Variants in SLC39A11 observed in about 807,000 individuals in gnomAD.
The protein encoded by SLC39A11 is solute carrier family 39 member 11.
SLC39A11 carries 33 observed loss-of-function variants against 36.1 expected under a neutral mutation model. That is an observed-to-expected ratio of 0.91 (90% CI 0.69 to 1.22). SLC39A11 has a LOEUF of 1.22. Among genes scored for constraint, SLC39A11 ranks in the 50% most tolerant of loss-of-function variants. The pLI, the probability that SLC39A11 is intolerant of heterozygous loss-of-function variation, is 0.00. For synonymous variants in SLC39A11, 166 were observed against 170.3 expected (o/e 0.97, Z 0.20); for missense variants, 432 against 430.3 (o/e 1.00, Z -0.03).
At chr17:72,715,173 T>C (rs2073299034) in intron 7 of SLC39A11, among the ~76,000 whole-genome samples, 1 of 152,180 alleles carries the variant, frequency 6.6e-6, no homozygotes, top group African/African-American at 2.4e-5. Flanking sequence ...AGAGGCTCTC[T>C]CCTCCAGGAA....
At chr17:72,951,388 C>G (rs889495327) in intron 4 of SLC39A11, among the ~76,000 whole-genome samples, 1 of 151,956 alleles carries the variant, frequency 6.6e-6, no homozygotes, top group African/African-American at 2.4e-5. Flanking sequence ...CACAGACCCT[C>G]TTTTTACTGT....
intron 5 of SLC39A11, among the ~76,000 whole-genome samples, chr17:72,884,974 G>C (rs2081376702): frequency 6.6e-6 from 1 of 152,162 alleles, no homozygotes. Flanking sequence ...ACTTTCTTCA[G>C]ATTTATCATC....
At chr17:72,928,637 T>G (rs993755678) in intron 5 of SLC39A11, among the ~76,000 whole-genome samples, 1 of 152,140 alleles carries the variant, frequency 6.6e-6, no homozygotes, top group African/African-American at 2.4e-5. Flanking sequence ...AGGGCCCTGA[T>G]AGTTGATTCT....
At chr17:72,908,773 G>C (rs904457669) in intron 5 of SLC39A11, among the ~76,000 whole-genome samples, 1 of 152,186 alleles carries the variant, frequency 6.6e-6, no homozygotes, top group Non-Finnish European at 1.5e-5. Context: ...CTGCCAGGGT[G>C]GCAAATCCCA....
intron 7 of SLC39A11, among the ~76,000 whole-genome samples, chr17:72,704,589 T>C (rs2072806069): frequency 1.3e-5 from 2 of 152,208 alleles, no homozygotes; most frequent in African/African-American, 2.4e-5. Context: ...CATAAAGTGA[T>C]GCTGTCCCTC....
At chr17:72,822,675 C>T (rs1008986387) in intron 6 of SLC39A11, among the ~76,000 whole-genome samples, 4 of 151,032 alleles carry the variant, frequency 2.6e-5, no homozygotes, top group African/African-American at 9.7e-5. Context: ...GGACAGGAGA[C>T]AAAGGAAATA....
intron 7 of SLC39A11, among the ~76,000 whole-genome samples, chr17:72,689,695 C>T (rs149364764): frequency 8.4e-4 from 128 of 152,302 alleles, no homozygotes; most frequent in African/African-American, 1.1e-3. Context: ...CAGACACGAA[C>T]GGTCACATAT....
At chr17:72,861,660 TA>T (rs2080004266) in intron 5 of SLC39A11, among the ~76,000 whole-genome samples, 1 of 56,530 alleles carries the variant, frequency 1.8e-5, no homozygotes, top group African/African-American at 5.6e-5. Context: ...CAACACATTA[TA>T]TATATATATA....
chr17:72,759,161 A>T (rs2075477120), intron 6 of SLC39A11, among the ~76,000 whole-genome samples: 1 of 149,368 alleles, frequency 6.7e-6, no homozygotes, highest in African/African-American at 2.5e-5. Flanking sequence ...ACAGAAAATA[A>T]TACAGATACC....
intron 7 of SLC39A11, among the ~76,000 whole-genome samples, chr17:72,658,807 A>G (rs1225429392): frequency 2.0e-5 from 3 of 152,056 alleles, no homozygotes; most frequent in African/African-American, 4.8e-5. Context: ...CCCCACCGAC[A>G]GGGCTCTTGT....
At chr17:72,872,925 G>A (rs1055953343) in intron 5 of SLC39A11, among the ~76,000 whole-genome samples, 7 of 151,734 alleles carry the variant, frequency 4.6e-5, no homozygotes, top group Non-Finnish European at 1.0e-4. Context: ...CGTGGTGGCG[G>A]GCACCTGTAG....
intron 6 of SLC39A11, among the ~76,000 whole-genome samples, chr17:72,787,319 G>A (rs1268098898): frequency 1.4e-5 from 2 of 144,046 alleles, no homozygotes; most frequent in African/African-American, 2.6e-5. Context: ...TGGCAGTGGC[G>A]CAATCTCGGC....
At chr17:72,852,261 A>C (rs376852075) in intron 5 of SLC39A11, among the ~76,000 whole-genome samples, 7 of 150,518 alleles carry the variant, frequency 4.7e-5, no homozygotes, top group East Asian at 2.0e-4. Context: ...TTTTGTATTT[A>C]TTTGCTCAAA....
intron 3 of SLC39A11, among the ~76,000 whole-genome samples, chr17:73,046,991 AAAG>A (rs1204101684): frequency 6.6e-6 from 1 of 151,930 alleles, no homozygotes; most frequent in Non-Finnish European, 1.5e-5. Context: ...AGCCTAGTAG[AAAG>A]AAGAACCACC....
At chr17:72,928,150 A>G (rs1389556990) in intron 5 of SLC39A11, among the ~76,000 whole-genome samples, 2 of 152,246 alleles carry the variant, frequency 1.3e-5, no homozygotes, top group Non-Finnish European at 2.9e-5. Flanking sequence ...GAAAACAAGT[A>G]TCCAAAATAG....
At chr17:72,861,657 T>TTATATATATATATATATATATATA (rs373265286) in intron 5 of SLC39A11, among the ~76,000 whole-genome samples, 26 of 50,950 alleles carry the variant, frequency 5.1e-4, no homozygotes, top group Non-Finnish European at 5.9e-4. Context: ...ATACAACACA[T>TTATATATATATATATATATATATA]TATATATATA....
chr17:72,911,289 A>G (rs2082979573), intron 5 of SLC39A11, among the ~76,000 whole-genome samples: 1 of 152,076 alleles, frequency 6.6e-6, no homozygotes. Flanking sequence ...GGGGGGAAGG[A>G]TAGCATTAGG....
chr17:72,795,707 G>A (rs2076873890), intron 6 of SLC39A11, among the ~76,000 whole-genome samples: 1 of 152,098 alleles, frequency 6.6e-6, no homozygotes, highest in Non-Finnish European at 1.5e-5. Context: ...AAAATTCCCT[G>A]TGAGGTGGCT....
At chr17:72,909,556 GA>G (rs1033122898) in intron 5 of SLC39A11, among the ~76,000 whole-genome samples, 1 of 151,498 alleles carries the variant, frequency 6.6e-6, no homozygotes, top group African/African-American at 2.4e-5. Flanking sequence ...AAATCCTAAG[GA>G]AAAAAAAGAA....
Sources: allele counts gnomAD v4.1 joint callset (sites outside exome capture counted in the v4.1 genomes callset), GRCh38; gene constraint gnomAD v4.1.1; transcripts MANE v1.5; gene names NCBI Gene and HGNC (gene_info 2026-07-23, HGNC 2026-07-21).